The following HIVEP3 variants were observed in gnomAD, a reference collection of about 807,000 sequenced individuals.
HIVEP3 encodes the protein HIVEP zinc finger 3.
Under a neutral mutation model 152.8 loss-of-function variants are expected in HIVEP3, and 49 were observed. That is an observed-to-expected ratio of 0.32 (90% CI 0.26 to 0.41). HIVEP3 has a LOEUF of 0.41. Among genes scored for constraint, HIVEP3 ranks in the 10% least tolerant of loss-of-function variants. HIVEP3 has a pLI of 1.00. For missense variants in HIVEP3, 2,790 were observed against 3,103.3 expected (o/e 0.90, Z 2.40); for synonymous variants, 1,269 against 1,289.0 (o/e 0.98, Z 0.33).
At position 41,584,811 on chromosome 1, in the gene HIVEP3, A is replaced by G; in HGVS notation, c.-14T>C. The G allele has an allele frequency of 6.7e-7, 1 of 1,497,144 alleles. No individual in the cohort carries two copies. Among genetic ancestry groups the G allele is most frequent in the Non-Finnish European group, 8.9e-7 (1 of 1,123,264 alleles). The allele number at this position is 1,497,144 out of a possible 1,614,324, so 92.7% of individuals were successfully genotyped here. A position where few individuals can be genotyped will look rare whatever the true frequency, so the allele number is the denominator to read the frequency against. On this transcript the variant is annotated 5_prime_UTR_variant, in exon 4 of 9. Coordinates refer to ENST00000372583, the MANE Select transcript of HIVEP3 (RefSeq NM_024503.5). This position sits in a 1 kb window ranked among gnomAD's most constrained non-coding sequence, Gnocchi z 5.2. ...TTCAGGATCCATGACCTTCACAAAG[A>G]CTTCAGATGCTATTCAGGGAGAGTC...
chr1:41,948,301 G>T (rs1443383810), intron 1 of HIVEP3, among the ~76,000 whole-genome samples: 3 of 152,200 alleles, frequency 2.0e-5, no homozygotes, highest in African/African-American at 4.8e-5. Flanking sequence ...GAAGGAAAAA[G>T]GGTAAATATA....
intron 5 of HIVEP3, among the ~76,000 whole-genome samples, chr1:41,554,161 C>T (rs889909689): frequency 1.3e-5 from 2 of 152,248 alleles, no homozygotes; most frequent in African/African-American, 4.8e-5. Flanking sequence ...GGTCTTTTCA[C>T]ATAGTCCCAT....
intron 2 of HIVEP3, among the ~76,000 whole-genome samples, chr1:41,633,282 G>A (rs1025652217): frequency 2.0e-5 from 3 of 152,256 alleles, no homozygotes; most frequent in Admixed American, 6.5e-5. Flanking sequence ...CAGAAAGTCC[G>A]AGGGAAAACA....
In HIVEP3 at chr1:41,511,152, C is replaced by T. The variant is rs747313910; in HGVS notation, c.6520G>A (p.Glu2174Lys). 1.1e-5 allele frequency: 17 copies of T among 1,614,178 alleles called. No homozygotes were observed. Among genetic ancestry groups the T allele is most frequent in the Non-Finnish European group, 1.4e-5 (17 of 1,180,020 alleles). Residue 2174 changes from glutamate to lysine, a missense_variant, in exon 9 of 9, where the codon GAG becomes AAG. Physicochemically the swap from Glu to Lys is moderately conservative, Grantham distance 56. Coordinates refer to ENST00000372583, the MANE Select transcript of HIVEP3 (RefSeq NM_024503.5). The surrounding 1 kb of genome is among the most constrained non-coding windows in gnomAD (Gnocchi z 4.9). Reference protein sequence around the residue: ...FHGHILARTEENIFSHLPLHS... With the variant: ...FHGHILARTEKNIFSHLPLHS... ...AGAGGCAGGTGGCTGAAGATGTTCT[C>T]CTCTGTCCGGGCCAGGATGTGGCCG...
intron 1 of HIVEP3, among the ~76,000 whole-genome samples, chr1:41,890,075 C>G (rs941012048): frequency 1.1e-4 from 16 of 152,242 alleles, no homozygotes; most frequent in Non-Finnish European, 1.9e-4. Context: ...CTTTGTGCCA[C>G]TGGGCATGTG....
intron 1 of HIVEP3, among the ~76,000 whole-genome samples, chr1:41,967,201 T>A (rs557299583): frequency 6.6e-6 from 1 of 152,166 alleles, no homozygotes; most frequent in African/African-American, 2.4e-5. Flanking sequence ...GTGGACCTGA[T>A]AGATATCTTC....
intron 1 of HIVEP3, among the ~76,000 whole-genome samples, chr1:41,992,191 A>G (rs1645366143): frequency 6.6e-6 from 1 of 151,204 alleles, no homozygotes; most frequent in African/African-American, 2.4e-5. Context: ...TTCAATTAGG[A>G]AAAGAGGAAG....
intron 1 of HIVEP3, among the ~76,000 whole-genome samples, chr1:41,838,037 A>C (rs984974202): frequency 1.3e-5 from 2 of 152,230 alleles, no homozygotes; most frequent in Admixed American, 1.3e-4. Flanking sequence ...CCATGAAAGG[A>C]ACAGGAATTC....
At chr1:41,749,724 C>T (rs1341921320) in intron 1 of HIVEP3, among the ~76,000 whole-genome samples, 1 of 145,314 alleles carries the variant, frequency 6.9e-6, no homozygotes, top group African/African-American at 2.5e-5. Flanking sequence ...TAAGACATCT[C>T]GCTTTCTAGC....
intron 1 of HIVEP3, among the ~76,000 whole-genome samples, chr1:41,897,945 G>C (rs1203596724): frequency 2.9e-5 from 3 of 105,154 alleles, no homozygotes; most frequent in Admixed American, 8.7e-5. Flanking sequence ...GAGGGAGAGA[G>C]AGAGAGAGAG....
In HIVEP3 at chr1:41,584,653, G is replaced by A; in HGVS notation, c.145C>T (p.Pro49Ser). ...GSGTAATQES[P>S]AQELLAPQPF... ...TGCGGGGCTAAGAGCTCTTGGGCGG[G>A]GCTCTCTTGGGTGGCAGCTGTGCCG... The change falls in exon 4 of 9, where the codon CCC (proline) becomes TCC (serine). Residue 49 changes from proline to serine, a missense_variant. Coordinates refer to ENST00000372583, the MANE Select transcript of HIVEP3 (RefSeq NM_024503.5). This position sits in a 1 kb window ranked among gnomAD's most constrained non-coding sequence, Gnocchi z 5.2. 6.3e-7 allele frequency: 1 copy of A among 1,596,326 alleles called. No homozygotes were observed. The highest frequency in any genetic ancestry group is 8.5e-7 in the Non-Finnish European group (1 of 1,170,800).
At chr1:42,023,882 T>C (rs1431169384) in intron 1 of HIVEP3, among the ~76,000 whole-genome samples, 1 of 152,224 alleles carries the variant, frequency 6.6e-6, no homozygotes. Flanking sequence ...GAATTACATA[T>C]TTTTCATGTC....
chr1:41,512,798 C>T lies in HIVEP3; in HGVS notation c.6405+18G>A. The T allele has an allele frequency of 6.8e-7, 1 of 1,465,256 alleles. No individual in the cohort carries two copies. The highest frequency in any genetic ancestry group is 2.6e-5 in the Admixed American group (1 of 39,104). The allele number at this position is 1,465,256 out of a possible 1,614,324, so 90.8% of individuals were successfully genotyped here. The stretch of plus-strand genomic sequence containing the variant: ...CCACAGGGGAGAAGCGGCCCAGCCA[C>T]CAGGGGCAGGAACTCACCCACGGGG... On this transcript the variant is annotated intron_variant, in intron 8 of 8. Transcript: ENST00000372583.
chr1:41,870,389 C>T (rs889640728), intron 1 of HIVEP3, among the ~76,000 whole-genome samples: 1 of 152,138 alleles, frequency 6.6e-6, no homozygotes, highest in Non-Finnish European at 1.5e-5. Flanking sequence ...TAATCACACA[C>T]ACAATACTGA....
chr1:41,529,759 C>T (rs1643183433), intron 5 of HIVEP3, among the ~76,000 whole-genome samples: 1 of 149,490 alleles, frequency 6.7e-6, no homozygotes, highest in South Asian at 2.1e-4. Flanking sequence ...CACACACACC[C>T]CCAGACTCAC....
In HIVEP3 at chr1:41,565,555, C is replaced by CACAG. The variant is rs1358275474; in HGVS notation, c.5207+9988_5207+9989insCTGT. On this transcript the variant is annotated intron_variant, in intron 5 of 8. Transcript: ENST00000372583. ...ACACACACACACACACACACACACA[C>CACAG]AGAGAGAGAGAGAGGGCAAGCGAGC... Among the ~76,000 whole-genome samples the CACAG allele has an allele frequency of 6.3e-4, 94 of 149,108 alleles. 1 individual carries two copies. Among genetic ancestry groups the CACAG allele is most frequent in the Admixed American group, 4.6e-3 (69 of 15,082 alleles).
At chr1:41,713,344 T>G (rs1646543311) in intron 1 of HIVEP3, among the ~76,000 whole-genome samples, 1 of 152,242 alleles carries the variant, frequency 6.6e-6, no homozygotes, top group Non-Finnish European at 1.5e-5. Context: ...TGCAAGTCCC[T>G]GAGCCTCCTG....
intron 1 of HIVEP3, among the ~76,000 whole-genome samples, chr1:41,860,220 G>A (rs1643870575): frequency 6.6e-6 from 1 of 152,164 alleles, no homozygotes; most frequent in Non-Finnish European, 1.5e-5. Context: ...ACATGGTTAT[G>A]CCTCTAGTAG....
chr1:41,698,528 T>C (rs1448373716), intron 2 of HIVEP3, among the ~76,000 whole-genome samples: 1 of 152,168 alleles, frequency 6.6e-6, no homozygotes. Context: ...GGTGTGATCT[T>C]TCCGATGAGA....
Sources: allele counts gnomAD v4.1 joint callset (sites outside exome capture counted in the v4.1 genomes callset), GRCh38; gene constraint gnomAD v4.1.1; non-coding constraint Gnocchi (gnomAD v3.1); transcripts MANE v1.5; gene names NCBI Gene and HGNC (gene_info 2026-07-23, HGNC 2026-07-21).